ELAVL2: variants seen among roughly 807,000 people sequenced by gnomAD.
ELAVL2 encodes the protein ELAV like RNA binding protein 2.
A neutral mutation model predicts 34.6 loss-of-function variants in ELAVL2; 4 were observed. The observed-to-expected ratio is 0.12, with a 90% CI of 0.06 to 0.26. ELAVL2 has a LOEUF of 0.26. Ranked by LOEUF, ELAVL2 falls within the 10% of genes least tolerant of loss-of-function variation. The pLI is 1.00. For synonymous variants in ELAVL2, 193 were observed against 154.8 expected, an observed-to-expected ratio of 1.25 and a Z score of -1.83; for missense variants, 432 against 442.8, an observed-to-expected ratio of 0.98 and a Z score of 0.22.
chr9:23,708,917 C>T (rs1025154729), intron 3 of ELAVL2, among the ~76,000 whole-genome samples: 10 of 152,160 alleles, frequency 6.6e-5, no homozygotes, highest in Admixed American at 6.5e-4. Context: ...GGATTACAGG[C>T]ATGAGCCACC....
intron 3 of ELAVL2, among the ~76,000 whole-genome samples, chr9:23,717,966 A>C (rs769523036): frequency 6.6e-6 from 1 of 152,114 alleles, no homozygotes; most frequent in Non-Finnish European, 1.5e-5. Context: ...CTTCTCAAAA[A>C]CTTTTACATT....
At chr9:23,753,651 A>G (rs2052726368) in intron 2 of ELAVL2, among the ~76,000 whole-genome samples, 1 of 152,126 alleles carries the variant, frequency 6.6e-6, no homozygotes, top group Admixed American at 6.6e-5. Flanking sequence ...TAACTGAACT[A>G]TTTCCATTTT....
chr9:23,808,899 A>G (rs1478372844), intron 1 of ELAVL2, among the ~76,000 whole-genome samples: 1 of 152,156 alleles, frequency 6.6e-6, no homozygotes, highest in Admixed American at 6.6e-5. Context: ...TGAATTCCAT[A>G]GGGAACTGGG....
chr9:23,809,348 T>C (rs900498497), intron 1 of ELAVL2, among the ~76,000 whole-genome samples: 3 of 152,172 alleles, frequency 2.0e-5, no homozygotes, highest in Admixed American at 6.5e-5. Flanking sequence ...CATGAAGCTA[T>C]TTCAGCTTCT....
chr9:23,726,097 G>T (rs2045079328), intron 3 of ELAVL2, among the ~76,000 whole-genome samples: 1 of 151,866 alleles, frequency 6.6e-6, no homozygotes, highest in African/African-American at 2.4e-5. Flanking sequence ...GTATAAATAT[G>T]ACATTTACTA....
intron 1 of ELAVL2, among the ~76,000 whole-genome samples, chr9:23,813,665 GTAA>G (rs745783959): frequency 8.5e-5 from 13 of 152,172 alleles, no homozygotes; most frequent in Non-Finnish European, 1.8e-4. Context: ...GAGAGAAAAG[GTAA>G]GTTAAGCTGA....
chr9:23,736,571 C>T (rs553830429), intron 2 of ELAVL2, among the ~76,000 whole-genome samples: 1 of 152,254 alleles, frequency 6.6e-6, no homozygotes, highest in East Asian at 1.9e-4. Flanking sequence ...CTTGAAGGAA[C>T]TAGCTCAAGT....
chr9:23,781,136 GAAAT>G (rs1187360091), intron 1 of ELAVL2, among the ~76,000 whole-genome samples: 2 of 152,078 alleles, frequency 1.3e-5, no homozygotes, highest in Admixed American at 1.3e-4. Flanking sequence ...GTTATTAAAA[GAAAT>G]AAGTTATAAC....
the ELAVL2 span, among the ~76,000 whole-genome samples, chr9:23,840,956 A>G: frequency 6.6e-6 from 1 of 152,188 alleles, no homozygotes; most frequent in Admixed American, 6.5e-5. Context: ...CGTTGGACTG[A>G]CATGACCACC....
At chr9:23,693,802 A>G (rs1203350682) in intron 5 of ELAVL2, among the ~76,000 whole-genome samples, 1 of 152,190 alleles carries the variant, frequency 6.6e-6, no homozygotes, top group African/African-American at 2.4e-5. Context: ...GTAGCTTCAA[A>G]GTGATCAATG....
At chr9:23,785,892 T>A (rs2059618256) in intron 1 of ELAVL2, among the ~76,000 whole-genome samples, 1 of 152,236 alleles carries the variant, frequency 6.6e-6, no homozygotes, top group Non-Finnish European at 1.5e-5. Flanking sequence ...TGAATTTACA[T>A]TCCCAAAGAA....
At chr9:23,718,893 T>C (rs1360460542) in intron 3 of ELAVL2, among the ~76,000 whole-genome samples, 2 of 152,224 alleles carry the variant, frequency 1.3e-5, no homozygotes, top group African/African-American at 2.4e-5. Context: ...TCCAAGTATC[T>C]ATTAGACACC....
Position 23,729,690 on chromosome 9 carries a change from C to T in ELAVL2, c.333+1332G>A, listed in dbSNP as rs566140178. 1.8e-4 allele frequency among the ~76,000 whole-genome samples: 28 copies of T among 152,014 alleles called. No individual in the cohort carries two copies. The South Asian group carries it at 5.8e-3, about 32-fold the overall frequency. ...TCTAGAATTCTTGGACCTCTCATAC[C>T]CTAGTATATTTGGGAACCACTATAT... On this transcript the variant is annotated intron_variant, in intron 3 of 6. Transcript: ENST00000397312.
chr9:23,704,743 A>T (rs765427944), intron 4 of ELAVL2, among the ~76,000 whole-genome samples, 175 bp downstream of exon 4: 1 of 152,164 alleles, frequency 6.6e-6, no homozygotes, highest in Non-Finnish European at 1.5e-5. Flanking sequence ...TATACTCCAC[A>T]ATCTATTTTT....
At chr9:23,717,684 C>A (rs1003933974) in intron 3 of ELAVL2, among the ~76,000 whole-genome samples, 2 of 152,122 alleles carry the variant, frequency 1.3e-5, no homozygotes, top group Non-Finnish European at 2.9e-5. Flanking sequence ...AGTGGCATAT[C>A]CATTTTCATT....
At chr9:23,841,548 C>A in the ELAVL2 span, among the ~76,000 whole-genome samples, 1 of 152,098 alleles carries the variant, frequency 6.6e-6, no homozygotes, top group South Asian at 2.1e-4. Context: ...TACTTACTCT[C>A]TGAGGACTCC....
intron 2 of ELAVL2, among the ~76,000 whole-genome samples, chr9:23,751,534 G>T (rs77947980): frequency 3.9e-5 from 6 of 152,204 alleles, no homozygotes; most frequent in African/African-American, 1.4e-4. Context: ...TTAGGTTTTT[G>T]AACATCCCAA....
intron 1 of ELAVL2, chr9:23,783,611 A>G (rs1417079659): frequency 3.5e-6 from 2 of 572,230 alleles, no homozygotes; most frequent in Non-Finnish European, 2.2e-6. Context: ...TGAAGGACAG[A>G]CATCTGCATT....
intron 1 of ELAVL2, among the ~76,000 whole-genome samples, chr9:23,772,996 A>T (rs1007499876): frequency 2.4e-4 from 37 of 152,270 alleles, no homozygotes; most frequent in African/African-American, 8.2e-4. Context: ...GCTAGAACAA[A>T]ACACACCTAG....
Sources: gnomAD v4.1 joint callset for allele counts (sites outside exome capture counted in the v4.1 genomes callset) on GRCh38, gnomAD v4.1.1 for gene constraint, MANE v1.5 for transcripts, NCBI Gene and HGNC (gene_info 2026-07-23, HGNC 2026-07-21) for gene names.